The following RIMS1 variants were observed in gnomAD, a reference collection of about 807,000 sequenced individuals.
RIMS1 encodes the protein regulating synaptic membrane exocytosis protein 1.
RIMS1 carries 83 observed loss-of-function variants against 214.1 expected under a neutral mutation model. The ratio of observed to expected loss-of-function variants is 0.39; its 90% CI spans 0.32 to 0.47. The LOEUF (loss-of-function observed/expected upper bound fraction) is 0.47. Among genes scored for constraint, RIMS1 ranks in the 20% least tolerant of loss-of-function variants. RIMS1 has a pLI of 0.99. For missense variants in RIMS1, 2,050 were observed against 2,161.8 expected (o/e 0.95, Z 1.03); for synonymous variants, 793 against 786.8 (o/e 1.01, Z -0.13).
intron 32 of RIMS1, 26 bp from the exon 33 acceptor site, chr6:72,398,929 T>C (rs747507690): frequency 1.4e-6 from 2 of 1,402,372 alleles, no homozygotes; most frequent in Non-Finnish European, 2.0e-6. Context: ...GAATAATTTC[T>C]TATATGTTAA....
At chr6:72,267,473 G>A (rs1328389988) in intron 22 of RIMS1, among the ~76,000 whole-genome samples, 1 of 152,050 alleles carries the variant, frequency 6.6e-6, no homozygotes, top group Non-Finnish European at 1.5e-5. Flanking sequence ...AAAGGATTAA[G>A]TTAATTTTAA....
intron 2 of RIMS1, among the ~76,000 whole-genome samples, chr6:71,989,309 C>G (rs74358115): frequency 4.8e-4 from 73 of 152,226 alleles, no homozygotes; most frequent in African/African-American, 1.7e-3. Context: ...TCATTATAGG[C>G]AGTCATTATT....
intron 1 of RIMS1, among the ~76,000 whole-genome samples, chr6:71,952,146 G>A (rs539683842): frequency 1.6e-4 from 25 of 152,172 alleles, no homozygotes; most frequent in African/African-American, 5.1e-4. Context: ...GGAAACCTAC[G>A]TGGGATTATT....
intron 11 of RIMS1, among the ~76,000 whole-genome samples, chr6:72,246,878 A>G (rs961697692): frequency 6.6e-6 from 1 of 152,232 alleles, no homozygotes; most frequent in African/African-American, 2.4e-5. Context: ...TGTATTTTAA[A>G]TATACCTGGG....
intron 1 of RIMS1, among the ~76,000 whole-genome samples, chr6:71,894,310 G>A (rs1280187111): frequency 6.6e-6 from 1 of 152,100 alleles, no homozygotes; most frequent in Non-Finnish European, 1.5e-5. Flanking sequence ...ACCTGGTATG[G>A]TGGAGTGCAC....
chr6:72,021,249 T>A (rs1814584066), intron 2 of RIMS1, among the ~76,000 whole-genome samples: 1 of 152,212 alleles, frequency 6.6e-6, no homozygotes, highest in African/African-American at 2.4e-5. Flanking sequence ...TTCCTTCTGT[T>A]GAAATTAAAG....
At chr6:72,261,980 T>C (rs968886206) in intron 19 of RIMS1, 2 of 984,166 alleles carry the variant, frequency 2.0e-6, no homozygotes, top group Non-Finnish European at 1.2e-6. Context: ...CTTAAAATAA[T>C]GGTTTATTTA....
chr6:72,071,911 T>C (rs751144830), intron 2 of RIMS1, among the ~76,000 whole-genome samples: 1 of 152,224 alleles, frequency 6.6e-6, no homozygotes, highest in Non-Finnish European at 1.5e-5. Context: ...GATAGCAGTC[T>C]TCAAATATTT....
chr6:72,116,932 C>A (rs2037197410), intron 4 of RIMS1, among the ~76,000 whole-genome samples: 1 of 151,882 alleles, frequency 6.6e-6, no homozygotes, highest in Admixed American at 6.6e-5. Context: ...GTGTGTATAT[C>A]ATAAATTCGT....
At chr6:72,007,065 G>C (rs1017834045) in intron 2 of RIMS1, among the ~76,000 whole-genome samples, 4 of 152,166 alleles carry the variant, frequency 2.6e-5, no homozygotes, top group African/African-American at 4.8e-5. Context: ...CTAACTGGGA[G>C]GCCCCCCCAA....
rs1198633744 is a variant in RIMS1 at position 72,290,812 on chromosome 6, C to T, written c.3688C>T (p.His1230Tyr). The change falls in exon 25 of 34, where the codon CAC becomes TAC. Residue 1230 changes from histidine to tyrosine, a missense_variant. This residue lies in a region of RIMS1 where 889 missense variants were observed against 885.5 expected (regional missense o/e 1.00). Transcript: ENST00000521978. ...TAGTATCAGAACACTGTGTTCTATG[C>T]ACCACCTTGTCCCTGGAGGGTCGGC... ...HSSIRTLCSM[H>Y]HLVPGGSAPP... The T allele has an allele frequency of 5.6e-6, 9 of 1,613,574 alleles. No homozygotes were observed. The highest frequency in any genetic ancestry group is 1.3e-5 in the African/African-American group (1 of 74,902).
At chr6:72,013,023 G>A (rs757300651) in intron 2 of RIMS1, among the ~76,000 whole-genome samples, 3 of 152,154 alleles carry the variant, frequency 2.0e-5, no homozygotes, top group African/African-American at 4.8e-5. Context: ...TGTAGGTGAC[G>A]CTGTGCAAAC....
intron 29 of RIMS1, among the ~76,000 whole-genome samples, chr6:72,342,585 G>C (rs1180611299): frequency 1.3e-5 from 2 of 151,244 alleles, no homozygotes; most frequent in African/African-American, 4.9e-5. Flanking sequence ...CACTTTTCTT[G>C]TACCAGACTC....
intron 26 of RIMS1, among the ~76,000 whole-genome samples, chr6:72,300,081 CT>C (rs34190158): frequency 1.3e-5 from 2 of 151,658 alleles, no homozygotes; most frequent in Non-Finnish European, 3.0e-5. Context: ...TTATCCATCT[CT>C]TTTTTTGGCA....
chr6:72,178,797 G>A (rs2048067570), intron 4 of RIMS1, among the ~76,000 whole-genome samples: 1 of 152,164 alleles, frequency 6.6e-6, no homozygotes, highest in Non-Finnish European at 1.5e-5. Context: ...ATCAAATGGA[G>A]AACAGACATA....
intron 6 of RIMS1, among the ~76,000 whole-genome samples, chr6:72,193,237 A>T (rs1325448838): frequency 6.6e-6 from 1 of 152,180 alleles, no homozygotes; most frequent in Non-Finnish European, 1.5e-5. Context: ...TTGGGAATTT[A>T]TCATTCTGGA....
chr6:71,996,668 A>G (rs1803525234), intron 2 of RIMS1, among the ~76,000 whole-genome samples: 1 of 152,144 alleles, frequency 6.6e-6, no homozygotes, highest in Non-Finnish European at 1.5e-5. Flanking sequence ...ACTGATGTCT[A>G]TTGTCTTTGT....
rs1466913249 is a variant in RIMS1, at chr6:72,183,087, C to G, written c.1616C>G (p.Ser539Trp). 1.9e-6 allele frequency: 3 copies of G among 1,591,528 alleles called. No individual in the cohort carries two copies. Among genetic ancestry groups the G allele is most frequent in the Non-Finnish European group, 1.7e-6 (2 of 1,170,192 alleles). The change falls in exon 6 of 34, where the codon TCG becomes TGG. Residue 539 changes from serine to tryptophan, a missense_variant. Ser to Trp is a radical substitution (Grantham distance 177, BLOSUM62 -3). Around this residue, in one of 6 missense-constraint regions of RIMS1, gnomAD observed 882 missense variants for 828.9 expected, o/e 1.06. Transcript: ENST00000521978. ...SVSSSEEEGVSTPEYTSCEDV... is the reference protein window; with the variant it reads ...SVSSSEEEGVWTPEYTSCEDV... ...AGCAGCTCTGAGGAGGAGGGCGTGTCGACGCCCGAGTACACCAGCTGCGAG... is the reference window on the plus strand; with the variant it reads ...AGCAGCTCTGAGGAGGAGGGCGTGTGGACGCCCGAGTACACCAGCTGCGAG...
chr6:72,379,190 C>A (rs2098443779), intron 29 of RIMS1, among the ~76,000 whole-genome samples: 1 of 152,228 alleles, frequency 6.6e-6, no homozygotes, highest in Non-Finnish European at 1.5e-5. Context: ...AAGGCACACA[C>A]AGATAGTGTT....
Sources: allele counts gnomAD v4.1 joint callset (sites outside exome capture counted in the v4.1 genomes callset), GRCh38; gene constraint gnomAD v4.1.1; regional missense constraint gnomAD v4.1.1; transcripts MANE v1.5; gene names NCBI Gene and HGNC (gene_info 2026-07-23, HGNC 2026-07-21).